The following FREM2 variants were observed in gnomAD, a reference collection of about 807,000 sequenced individuals.
FREM2 encodes the protein FRAS1 related extracellular matrix 2.
FREM2 carries 119 observed loss-of-function variants against 219.9 expected under a neutral mutation model. The ratio of observed to expected loss-of-function variants is 0.54; its 90% CI spans 0.47 to 0.63. The LOEUF is 0.63. FREM2 is among the 30% of genes least tolerant of loss of function. The probability of loss-of-function intolerance (pLI) is 0.00; values close to 1 mark genes in which losing one functional copy is unlikely to be tolerated. For synonymous variants in FREM2, 1,562 were observed against 1,522.8 expected, an observed-to-expected ratio of 1.03 and a Z score of -0.60; for missense variants, 4,030 against 3,993.6, an observed-to-expected ratio of 1.01 and a Z score of -0.25.
intron 21 of FREM2, among the ~76,000 whole-genome samples, chr13:38,877,523 G>C (rs906130727): frequency 6.6e-6 from 1 of 151,876 alleles, no homozygotes; most frequent in Non-Finnish European, 1.5e-5. Context: ...TTTTCAATCT[G>C]TGTAAACTTA....
Position 38,874,531 on chromosome 13 carries a change from C to G in FREM2, c.8226C>G (p.Ala2742=). 1 of 1,614,080 alleles carries G rather than the reference C, an allele frequency of 6.2e-7. No homozygotes were observed. Among genetic ancestry groups the G allele is most frequent in the Non-Finnish European group, 8.5e-7 (1 of 1,179,984 alleles). ...SMRIGDEGRL[A]VHFKTEAQFH... is the part of the protein sequence containing the mutation. ...GCATCGGTGATGAGGGGCGCTTGGC[C>G]GTGCACTTCAAGACAGAGGCTCAGT... Residue 2742 remains alanine (A), a synonymous_variant, in exon 18 of 24, where the codon GCC becomes GCG. Coordinates refer to ENST00000280481, the MANE Select transcript of FREM2 (RefSeq NM_207361.6).
chr13:38,856,155 C>T lies in FREM2; in HGVS notation c.6955C>T (p.His2319Tyr). 1 of 1,610,694 alleles carries T rather than the reference C, an allele frequency of 6.2e-7. No individual in the cohort carries two copies. Among genetic ancestry groups the T allele is most frequent in the Non-Finnish European group, 8.5e-7 (1 of 1,177,440 alleles). ...EIEFKEGETQHVVEIEVTFDG... is the reference protein window; with the variant it reads ...EIEFKEGETQYVVEIEVTFDG... ...TGAGTTTAAGGAAGGGGAAACCCAG[C>T]ACGTGGTTGAAATCGAAGTTACCTT... The change falls in exon 12 of 24, where the codon CAC becomes TAC. Residue 2319 changes from histidine to tyrosine, a missense_variant. Coordinates refer to ENST00000280481, the MANE Select transcript of FREM2 (RefSeq NM_207361.6).
chr13:38,697,132 C>T (rs1593349537), intron 1 of FREM2, among the ~76,000 whole-genome samples: 1 of 152,072 alleles, frequency 6.6e-6, no homozygotes, highest in Non-Finnish European at 1.5e-5. Flanking sequence ...TTTTTGTTCT[C>T]AACAGGGAGT....
In FREM2 at chr13:38,789,560, A is replaced by G. The variant is rs184804155; in HGVS notation, c.6019+4752A>G. Among the ~76,000 whole-genome samples, 487 of 147,770 alleles carry G rather than the reference A, an allele frequency of 3.3e-3. 1 individual carries two copies. The highest frequency in any genetic ancestry group is 0.012 in the African/African-American group (467 of 38,738). On this transcript the variant is annotated intron_variant, in intron 6 of 23. Transcript: ENST00000280481. ...AGCTATGTTTGGTTCTGACTTTTCA[A>G]AAAAAAAGAATAGAAATTTTTGGAA...
chr13:38,725,582 A>G (rs1871484320), intron 2 of FREM2, among the ~76,000 whole-genome samples: 1 of 152,184 alleles, frequency 6.6e-6, no homozygotes, highest in South Asian at 2.1e-4. Context: ...AAAGAGCTTC[A>G]CCGCTTCAGA....
chr13:38,770,315 C>G (rs2137815732), intron 4 of FREM2, among the ~76,000 whole-genome samples: 1 of 151,704 alleles, frequency 6.6e-6, no homozygotes, highest in Middle Eastern at 3.5e-3. Context: ...AACTCAGCCT[C>G]CCAAAGCACT....
At chr13:38,834,180 C>A (rs200031886) in intron 6 of FREM2, among the ~76,000 whole-genome samples, 2 of 152,094 alleles carry the variant, frequency 1.3e-5, no homozygotes, top group Middle Eastern at 3.4e-3. Context: ...ATCCCCACCC[C>A]CCAATAGGCC....
In FREM2 at chr13:38,886,412, T is replaced by G. The variant is rs1184143296; in HGVS notation, c.*5625T>G. The stretch of plus-strand genomic sequence containing the variant: ...GAGAGAGAGAGATAGATTTTTTTTT[T>G]TTGAGACAGAGTTTCGCTCTTGTTG... On this transcript the variant is annotated 3_prime_UTR_variant, in exon 24 of 24. Transcript: ENST00000280481. 1 of 152,200 alleles carries G rather than the reference T, an allele frequency of 6.6e-6. No individual in the cohort carries two copies. The highest frequency in any genetic ancestry group is 1.5e-5 in the Non-Finnish European group (1 of 68,144). The allele number at this position is 152,200 out of a possible 1,614,324, so 9.4% of individuals were successfully genotyped here. A position where few individuals can be genotyped will look rare whatever the true frequency, so the allele number is the denominator to read the frequency against.
At chr13:38,810,332 C>T (rs1875427687) in intron 6 of FREM2, among the ~76,000 whole-genome samples, 1 of 151,886 alleles carries the variant, frequency 6.6e-6, no homozygotes, top group South Asian at 2.1e-4. Flanking sequence ...CCTGATTGTT[C>T]TAGCTGAGAC....
chr13:38,826,237 C>T (rs1876279456), intron 6 of FREM2, among the ~76,000 whole-genome samples: 1 of 152,020 alleles, frequency 6.6e-6, no homozygotes, highest in Non-Finnish European at 1.5e-5. Flanking sequence ...ATAGCTTGGA[C>T]CTGAAAGCTT....
chr13:38,811,923 T>A (rs1328424869), intron 6 of FREM2, among the ~76,000 whole-genome samples: 2 of 152,180 alleles, frequency 1.3e-5, no homozygotes, highest in Non-Finnish European at 2.9e-5. Flanking sequence ...TGCATTGGGC[T>A]CCATCTCTCT....
At chr13:38,727,270 T>C (rs914525306) in intron 2 of FREM2, among the ~76,000 whole-genome samples, 1 of 152,154 alleles carries the variant, frequency 6.6e-6, no homozygotes, top group Non-Finnish European at 1.5e-5. Context: ...TATTTATTTA[T>C]TTTAAATGCT....
At chr13:38,853,050 G>A (rs1037102387) in intron 11 of FREM2, among the ~76,000 whole-genome samples, 4 of 151,868 alleles carry the variant, frequency 2.6e-5, no homozygotes, top group South Asian at 2.1e-4. Flanking sequence ...AGTTCTGGCC[G>A]GGTGCGTTGG....
intron 2 of FREM2, among the ~76,000 whole-genome samples, chr13:38,749,856 A>G (rs1271101817): frequency 6.6e-6 from 1 of 152,154 alleles, no homozygotes; most frequent in East Asian, 1.9e-4. Context: ...TATGCATGCA[A>G]TTAGTATGAA....
chr13:38,877,441 A>C (rs1204119789), intron 21 of FREM2, among the ~76,000 whole-genome samples, 198 bp downstream of exon 21: 1 of 152,022 alleles, frequency 6.6e-6, no homozygotes, highest in Non-Finnish European at 1.5e-5. Flanking sequence ...TTTTTTTCTG[A>C]GGAAGCTAAT....
At chr13:38,848,814 A>G (rs1877264042) in intron 8 of FREM2, 144 bp downstream of exon 8, 3 of 737,560 alleles carry the variant, frequency 4.1e-6, no homozygotes, top group Admixed American at 2.7e-5. Context: ...GGGGTGGCTT[A>G]AATAACAGAA....
At chr13:38,787,820 A>G (rs112605178) in intron 6 of FREM2, among the ~76,000 whole-genome samples, 1 of 151,560 alleles carries the variant, frequency 6.6e-6, no homozygotes, top group Admixed American at 6.6e-5. Flanking sequence ...TATTGCAATT[A>G]TTTTCTTAAA....
intron 2 of FREM2, among the ~76,000 whole-genome samples, chr13:38,733,314 GT>G (rs11367311): frequency 0.86 from 125,473 of 146,098 alleles, 53,936 homozygotes; most frequent in South Asian, 0.89. Flanking sequence ...GGAGCCAGTG[GT>G]TTTTTTTTTT....
chr13:38,817,629 A>G (rs4587834), intron 6 of FREM2, among the ~76,000 whole-genome samples: 60,511 of 151,972 alleles, frequency 0.4, 13,865 homozygotes, highest in Non-Finnish European at 0.51. Flanking sequence ...GGAGAAACAC[A>G]TCAGAGCATT....
Sources: gnomAD v4.1 joint callset for allele counts (sites outside exome capture counted in the v4.1 genomes callset) on GRCh38, gnomAD v4.1.1 for gene constraint, MANE v1.5 for transcripts, NCBI Gene and HGNC (gene_info 2026-07-23, HGNC 2026-07-21) for gene names.